IFNAR2: variants seen among roughly 807,000 people sequenced by gnomAD.
The protein encoded by IFNAR2 is interferon alpha/beta receptor 2.
IFNAR2 carries 30 observed loss-of-function variants against 49.4 expected under a neutral mutation model. That is an observed-to-expected ratio of 0.61 (90% CI 0.45 to 0.82). The LOEUF (loss-of-function observed/expected upper bound fraction) is 0.82. IFNAR2 is among the 40% of genes least tolerant of loss of function. IFNAR2 has a pLI of 0.00. For synonymous variants in IFNAR2, 224 were observed against 234.5 expected (o/e 0.96, Z 0.41); for missense variants, 600 against 622.7 (o/e 0.96, Z 0.39).
intron 2 of IFNAR2, among the ~76,000 whole-genome samples, chr21:33,242,317 T>G (rs1986997734): frequency 6.6e-6 from 1 of 152,250 alleles, no homozygotes; most frequent in Non-Finnish European, 1.5e-5. Flanking sequence ...TAAAGTTGAT[T>G]AATTAGCAAC....
chr21:33,230,386 C>T lies in IFNAR2; in HGVS notation c.-84+170C>T. On this transcript the variant is annotated intron_variant, in intron 1 of 8. Coordinates refer to ENST00000342136, the MANE Select transcript of IFNAR2 (RefSeq NM_001289125.3). The surrounding 1 kb of genome is among the most constrained non-coding windows in gnomAD (Gnocchi z 5.5). ...CTGCGTCTTGAGTATGCGGCTAGTG[C>T]GCCCTTCCTCTCTCCCGGGGCCGCA... 1 of 539,430 alleles carries T rather than the reference C, an allele frequency of 1.9e-6. No individual in the cohort carries two copies. Among genetic ancestry groups the T allele is most frequent in the Non-Finnish European group, 2.9e-6 (1 of 341,928 alleles). 33.4% of individuals were successfully genotyped at this position (539,430 alleles called of 1,614,324 possible).
At chr21:33,244,891 A>G in intron 3 of IFNAR2, 60 bp from the exon 4 acceptor site, 1 of 1,569,714 alleles carries the variant, frequency 6.4e-7, no homozygotes, top group Non-Finnish European at 8.8e-7. Flanking sequence ...ATGACTGAAC[A>G]GTGGCCAGAA....
rs1245580166 is a variant in IFNAR2 at position 33,265,480 on chromosome 21, T to G, written c.*1980T>G. 1 of 155,058 alleles carries G rather than the reference T, an allele frequency of 6.4e-6. No homozygotes were observed. Among genetic ancestry groups the G allele is most frequent in the East Asian group, 1.9e-4 (1 of 5,226 alleles). 9.6% of individuals were successfully genotyped at this position (155,058 alleles called of 1,614,324 possible). On this transcript the variant is annotated 3_prime_UTR_variant, in exon 9 of 9. Transcript: ENST00000342136. ...TGAAATTCCATAGGAAAGAGGCCTTTTGTATATTGAATCAATTTATCTGCC... is the reference window on the plus strand; with the variant it reads ...TGAAATTCCATAGGAAAGAGGCCTTGTGTATATTGAATCAATTTATCTGCC...
At chr21:33,252,592 C>G (rs913842499) in intron 6 of IFNAR2, 70 bp from the exon 7 acceptor site, 3 of 1,538,076 alleles carry the variant, frequency 2.0e-6, no homozygotes, top group Non-Finnish European at 1.7e-6. Context: ...GAAGACAAAT[C>G]CCAAAAGAGA....
At chr21:33,246,348 A>G (rs374862149) in intron 4 of IFNAR2, among the ~76,000 whole-genome samples, 4 of 152,218 alleles carry the variant, frequency 2.6e-5, no homozygotes, top group South Asian at 4.1e-4. Flanking sequence ...GGGATTACAG[A>G]CGTGAGCCAC....
At chr21:33,232,531 T>A (rs1986139907) in intron 1 of IFNAR2, among the ~76,000 whole-genome samples, 1 of 152,138 alleles carries the variant, frequency 6.6e-6, no homozygotes, top group Non-Finnish European at 1.5e-5. Context: ...GGTTTTCATT[T>A]GTTTGTTTTT....
intron 7 of IFNAR2, among the ~76,000 whole-genome samples, chr21:33,259,387 T>C (rs1289750213): frequency 6.6e-6 from 1 of 152,130 alleles, no homozygotes; most frequent in Non-Finnish European, 1.5e-5. Flanking sequence ...CCAAGTGAGA[T>C]TTCTATTTTT....
chr21:33,242,012 G>T, intron 2 of IFNAR2, 35 bp downstream of exon 2: 1 of 1,599,488 alleles, frequency 6.3e-7, no homozygotes. Flanking sequence ...TCTTATAGAA[G>T]CAAGCTGTGA....
At position 33,229,991 on chromosome 21, in the gene IFNAR2, T is replaced by G. The variant is rs1259403852; in HGVS notation, c.-309T>G. 3 of 984,428 alleles carry G rather than the reference T, an allele frequency of 3.0e-6. No individual in the cohort carries two copies. The highest frequency in any genetic ancestry group is 3.6e-6 in the Non-Finnish European group (3 of 829,632). The allele number at this position is 984,428 out of a possible 1,614,324, so 61.0% of individuals were successfully genotyped here. On this transcript the variant is annotated 5_prime_UTR_variant, in exon 1 of 9. Transcript: ENST00000342136. ...CGCGCGCACCCGCACTAAAGACGCTTCTTCCCGGCGGGTAGGAATCCCGCC... is the reference window on the plus strand; with the variant it reads ...CGCGCGCACCCGCACTAAAGACGCTGCTTCCCGGCGGGTAGGAATCCCGCC...
At chr21:33,252,961 A>G (rs1221763238) in intron 7 of IFNAR2, 131 bp downstream of exon 7, 2 of 779,214 alleles carry the variant, frequency 2.6e-6, no homozygotes, top group African/African-American at 1.7e-5. Context: ...AACACCTCAC[A>G]GAGATGTTTT....
At chr21:33,231,004 C>A (rs1740655196) in intron 1 of IFNAR2, among the ~76,000 whole-genome samples, 1 of 140,628 alleles carries the variant, frequency 7.1e-6, no homozygotes, top group Admixed American at 6.9e-5. Flanking sequence ...TTTCTTTTAA[C>A]ATTTTTTTTT....
At chr21:33,237,078 G>GATGTGTGTGT (rs3223272) in intron 1 of IFNAR2, among the ~76,000 whole-genome samples, 79 of 147,698 alleles carry the variant, frequency 5.3e-4, no homozygotes, top group African/African-American at 1.8e-3. Flanking sequence ...GGGAGAATGG[G>GATGTGTGTGT]GTGTGTGTGT....
intron 2 of IFNAR2, among the ~76,000 whole-genome samples, chr21:33,243,284 G>A (rs892966442): frequency 2.0e-5 from 3 of 151,916 alleles, no homozygotes; most frequent in African/African-American, 7.3e-5. Context: ...GGGTTTTGCC[G>A]TGTTGGCCAG....
intron 1 of IFNAR2, chr21:33,234,667 GGGTTTGTCT>G (rs59863111): frequency 0.29 from 251,546 of 853,256 alleles, 36,693 homozygotes; most frequent in East Asian, 0.58. Context: ...AAAATTGGCA[GGGTTTGTCT>G]GGTCTCAGGG....
intron 4 of IFNAR2, 79 bp from the exon 5 acceptor site, chr21:33,246,639 A>G (rs897146137): frequency 6.6e-6 from 7 of 1,063,346 alleles, no homozygotes; most frequent in Admixed American, 4.9e-5. Context: ...AAAGGAAACA[A>G]TGAAGTAAGG....
chr21:33,241,726 G>T, intron 1 of IFNAR2, 114 bp from the exon 2 acceptor site: 1 of 627,424 alleles, frequency 1.6e-6, no homozygotes, highest in South Asian at 3.0e-5. Flanking sequence ...AGGGGATTGG[G>T]CCCAGAAGCT....
Position 33,241,980 on chromosome 21 carries a change from A to G in IFNAR2, c.55+3A>G. 6.2e-7 allele frequency: 1 copy of G among 1,611,660 alleles called. No homozygotes were observed. The highest frequency in any genetic ancestry group is 8.5e-7 in the Non-Finnish European group (1 of 1,179,030). On this transcript the variant is annotated splice_donor_region_variant and intron_variant, in intron 2 of 8. Coordinates refer to ENST00000342136, the MANE Select transcript of IFNAR2 (RefSeq NM_001289125.3). ...ATCACTTAATTTGGTTCTCATGGGT[A>G]AGTGCTGCTTTTTATCTTAGCTCTT...
rs1236413464 is a variant in IFNAR2 at position 33,262,885 on chromosome 21, G to C, written c.933G>C (p.Lys311Asn). 1.9e-6 allele frequency: 3 copies of C among 1,613,832 alleles called. No individual in the cohort carries two copies. The highest frequency in any genetic ancestry group is 1.1e-5 in the South Asian group (1 of 91,080). ...AGGTCATTTACATCAACAGAAAGAA[G>C]AAAGTGTGGGATTATAATTATGATG... ...MVEVIYINRK[K>N]KVWDYNYDDE... Residue 311 changes from lysine (K) to asparagine (N), a missense_variant, in exon 9 of 9, where the codon AAG becomes AAC. By Grantham distance (94) the Lys-to-Asn change is moderately conservative. Coordinates refer to ENST00000342136, the MANE Select transcript of IFNAR2 (RefSeq NM_001289125.3).
intron 4 of IFNAR2, 119 bp downstream of exon 4, chr21:33,245,193 T>G (rs915289974): frequency 1.4e-6 from 1 of 719,674 alleles, no homozygotes; most frequent in African/African-American, 1.8e-5. Context: ...CCTCTCCTTC[T>G]CTCTGCGTTT....
Sources: allele counts gnomAD v4.1 joint callset (sites outside exome capture counted in the v4.1 genomes callset), GRCh38; gene constraint gnomAD v4.1.1; non-coding constraint Gnocchi (gnomAD v3.1); transcripts MANE v1.5; gene names NCBI Gene and HGNC (gene_info 2026-07-23, HGNC 2026-07-21).